The following CCDC149 variants were observed in gnomAD, a reference collection of about 807,000 sequenced individuals.
The protein encoded by CCDC149 is coiled-coil domain-containing protein 149.
Under a neutral mutation model 59.9 loss-of-function variants are expected in CCDC149, and 45 were observed. The observed-to-expected ratio is 0.75, with a 90% CI of 0.59 to 0.96. The LOEUF is 0.96. Among genes scored for constraint, CCDC149 ranks in the 40% least tolerant of loss-of-function variants. The probability of loss-of-function intolerance (pLI) is 0.00; values close to 1 mark genes in which losing one functional copy is unlikely to be tolerated. For missense variants in CCDC149, 584 were observed against 664.7 expected (o/e 0.88, Z 1.33); for synonymous variants, 245 against 260.6 (o/e 0.94, Z 0.58).
intron 4 of CCDC149, among the ~76,000 whole-genome samples, chr4:24,851,311 AG>A (rs1717639570): frequency 1.3e-5 from 2 of 152,128 alleles, no homozygotes; most frequent in Admixed American, 1.3e-4. Flanking sequence ...CATCCATGCT[AG>A]AGTGCACTGG....
intron 12 of CCDC149, among the ~76,000 whole-genome samples, chr4:24,809,264 C>T (rs1714439292): frequency 6.6e-6 from 1 of 152,040 alleles, no homozygotes; most frequent in African/African-American, 2.4e-5. Flanking sequence ...GGATTTAGTG[C>T]CACCCCTTCT....
At chr4:24,810,344 G>T (rs1259659233) in intron 12 of CCDC149, among the ~76,000 whole-genome samples, 4 of 152,108 alleles carry the variant, frequency 2.6e-5, no homozygotes, top group African/African-American at 9.7e-5. Flanking sequence ...AAAGAGAAGT[G>T]CACAGAACTT....
intron 3 of CCDC149, among the ~76,000 whole-genome samples, chr4:24,854,448 T>G (rs1417634345): frequency 1.3e-5 from 2 of 152,156 alleles, no homozygotes; most frequent in Non-Finnish European, 2.9e-5. Flanking sequence ...AGGAAGCAAG[T>G]AAGCAATCCA....
intron 3 of CCDC149, among the ~76,000 whole-genome samples, chr4:24,869,160 G>A (rs917085395): frequency 6.6e-6 from 1 of 152,222 alleles, no homozygotes; most frequent in African/African-American, 2.4e-5. Context: ...ATGGTGGTGG[G>A]AGGAGCTGCC....
chr4:24,948,285 C>T (rs1723181337), intron 1 of CCDC149, among the ~76,000 whole-genome samples: 1 of 152,058 alleles, frequency 6.6e-6, no homozygotes, highest in Admixed American at 6.5e-5. Flanking sequence ...AATGGATCAA[C>T]TTGAGTCCTT....
At chr4:24,931,278 T>C (rs538586300) in intron 1 of CCDC149, among the ~76,000 whole-genome samples, 23 of 146,758 alleles carry the variant, frequency 1.6e-4, no homozygotes, top group African/African-American at 5.5e-4. Flanking sequence ...TGTGTATGTA[T>C]ATGTGTATTT....
intron 1 of CCDC149, among the ~76,000 whole-genome samples, chr4:24,929,894 C>T (rs183012447): frequency 1.3e-5 from 2 of 152,174 alleles, no homozygotes; most frequent in Non-Finnish European, 2.9e-5. Context: ...GCCTCTCCCC[C>T]CATCAACCAA....
chr4:24,928,494 C>A (rs1355147680), intron 1 of CCDC149, among the ~76,000 whole-genome samples: 1 of 152,138 alleles, frequency 6.6e-6, no homozygotes, highest in East Asian at 1.9e-4. Flanking sequence ...CAGTATTTTT[C>A]ATTTTCTTCA....
chr4:24,979,474 G>A (rs1560277058), intron 1 of CCDC149, among the ~76,000 whole-genome samples: 1 of 152,190 alleles, frequency 6.6e-6, no homozygotes, highest in African/African-American at 2.4e-5. Context: ...TGATCTACTG[G>A]ATCAAGCCTT....
At chr4:24,868,345 A>G (rs1324797477) in intron 3 of CCDC149, among the ~76,000 whole-genome samples, 1 of 152,202 alleles carries the variant, frequency 6.6e-6, no homozygotes, top group Admixed American at 6.5e-5. Flanking sequence ...AACCAATCAC[A>G]TGCTTAAATA....
chr4:24,855,756 AT>A (rs1717966316), intron 3 of CCDC149, among the ~76,000 whole-genome samples: 1 of 152,190 alleles, frequency 6.6e-6, no homozygotes. Context: ...ATTTTCCCAG[AT>A]TTCTGTTCTC....
intron 1 of CCDC149, among the ~76,000 whole-genome samples, chr4:24,954,240 T>C (rs1194622616): frequency 6.6e-6 from 1 of 152,098 alleles, no homozygotes; most frequent in Non-Finnish European, 1.5e-5. Flanking sequence ...CCTGCCCCCA[T>C]GGCTTTGCTG....
intron 1 of CCDC149, among the ~76,000 whole-genome samples, chr4:24,953,820 G>C (rs1723384219): frequency 6.6e-6 from 1 of 152,032 alleles, no homozygotes; most frequent in Non-Finnish European, 1.5e-5. Context: ...CTGAACAAAA[G>C]GGAAATATCA....
chr4:24,908,917 T>TA (rs1475204541), intron 1 of CCDC149, among the ~76,000 whole-genome samples: 3 of 152,142 alleles, frequency 2.0e-5, no homozygotes, highest in Admixed American at 1.3e-4. Context: ...ATCTTGGAAA[T>TA]AAAAAGTTAT....
intron 1 of CCDC149, among the ~76,000 whole-genome samples, chr4:24,952,713 A>G (rs1189582326): frequency 6.9e-6 from 1 of 144,680 alleles, no homozygotes; most frequent in Non-Finnish European, 1.5e-5. Flanking sequence ...ACCATTTTTA[A>G]GTGTGCAATT....
intron 4 of CCDC149, among the ~76,000 whole-genome samples, chr4:24,839,028 T>TCACACACACA (rs56226858): frequency 7.6e-6 from 1 of 132,022 alleles, no homozygotes; most frequent in African/African-American, 3.0e-5. Flanking sequence ...TCTCTCTCTC[T>TCACACACACA]CACACACACA....
At chr4:24,916,616 T>C (rs1722126976), upstream of CCDC149, among the ~76,000 whole-genome samples, 1 of 152,122 alleles carries the variant, frequency 6.6e-6, no homozygotes, top group Admixed American at 6.5e-5. Context: ...GGAGTTCTCA[T>C]TAAAGGAAAC....
intron 1 of CCDC149, among the ~76,000 whole-genome samples, chr4:24,885,704 C>A (rs191692669): frequency 6.6e-6 from 1 of 152,304 alleles, no homozygotes; most frequent in African/African-American, 2.4e-5. Flanking sequence ...CCTCCTAATG[C>A]CTCCACTTTT....
chr4:24,964,281 T>C (rs1723734100), intron 1 of CCDC149, among the ~76,000 whole-genome samples: 1 of 150,640 alleles, frequency 6.6e-6, no homozygotes, highest in African/African-American at 2.4e-5. Context: ...ATGGCCTCAG[T>C]AGTAGAATGG....
Sources: gnomAD v4.1 joint callset for allele counts (sites outside exome capture counted in the v4.1 genomes callset) on GRCh38, gnomAD v4.1.1 for gene constraint, MANE v1.5 for transcripts, NCBI Gene and HGNC (gene_info 2026-07-23, HGNC 2026-07-21) for gene names.